The following ASTE1 variants were observed in gnomAD, a reference collection of about 807,000 sequenced individuals.
ASTE1 encodes the protein asteroid structure-specific endonuclease 1.
Under a neutral mutation model 45.8 loss-of-function variants are expected in ASTE1, and 49 were observed. That is an observed-to-expected ratio of 1.07 (90% CI 0.85 to 1.36). The LOEUF (loss-of-function observed/expected upper bound fraction) is 1.36, where lower values mean the gene tolerates loss of function less well. ASTE1 is among the 40% of genes most tolerant of loss of function. ASTE1 has a pLI of 0.00. For synonymous variants in ASTE1, 296 were observed against 303.9 expected (o/e 0.97, Z 0.27); for missense variants, 709 against 804.0 (o/e 0.88, Z 1.43).
rs112198892 is a variant in ASTE1, at chr3:131,016,268, G to A, written c.1585C>T (p.Arg529Trp). 43 of 1,613,932 alleles carry A rather than the reference G, an allele frequency of 2.7e-5. No individual in the cohort carries two copies. Among genetic ancestry groups the A allele is most frequent in the Middle Eastern group, 3.3e-4 (2 of 6,084 alleles). Residue 529 changes from arginine to tryptophan, a missense_variant, in exon 5 of 6, where the codon CGG becomes TGG. Arg to Trp is a moderately radical substitution (Grantham distance 101). Coordinates refer to ENST00000264992, the MANE Select transcript of ASTE1 (RefSeq NM_014065.4). ...AEFQRVKAQT[R>W]LGTRLDLDTA... ...TCTAAGTCCAGTCTTGTGCCCAGCCGTGTCTGCGCCTTCACTCTTTGGAAC... is the reference window on the plus strand; with the variant it reads ...TCTAAGTCCAGTCTTGTGCCCAGCCATGTCTGCGCCTTCACTCTTTGGAAC...
chr3:131,024,610 C>T lies in ASTE1; in HGVS notation c.697G>A (p.Glu233Lys), dbSNP rs1284862580. 6.2e-7 allele frequency: 1 copy of T among 1,609,140 alleles called. No homozygotes were observed. Among genetic ancestry groups the T allele is most frequent in the Non-Finnish European group, 8.5e-7 (1 of 1,177,410 alleles). ...GNDHVNLPIM[E>K]TFLSKARLPL... ...AGACGCGCTTTACTTAAGAATGTCTCCATGATGGGTAGATTAACATGGTCA... is the reference window on the plus strand; with the variant it reads ...AGACGCGCTTTACTTAAGAATGTCTTCATGATGGGTAGATTAACATGGTCA... The change falls in exon 3 of 6, where the codon GAG becomes AAG. Residue 233 changes from glutamate (E) to lysine (K), a missense_variant. Transcript: ENST00000264992.
intron 1 of ASTE1, among the ~76,000 whole-genome samples, chr3:131,025,936 A>G (rs1260094418): frequency 6.6e-6 from 1 of 151,916 alleles, no homozygotes; most frequent in Non-Finnish European, 1.5e-5. Flanking sequence ...GCCTCTAGGA[A>G]CCCCTCTATC....
chr3:131,016,095 T>C, intron 5 of ASTE1, 49 bp downstream of exon 5: 1 of 1,594,302 alleles, frequency 6.3e-7, no homozygotes, highest in Non-Finnish European at 8.6e-7. Flanking sequence ...AAATACTGTA[T>C]TTACTTTTGT....
Position 131,014,089 on chromosome 3 carries a change from C to T in ASTE1, c.2008G>A (p.Glu670Lys). 1 of 1,601,712 alleles carries T rather than the reference C, an allele frequency of 6.2e-7. No homozygotes were observed. Among genetic ancestry groups the T allele is most frequent in the South Asian group, 1.1e-5 (1 of 87,820 alleles). ...RFGLLMVENL[E>K]EHSEASNIE ...ATGTTGGAGGCCTCACTATGTTCCTCTAAGTTTTCAACCATTAACAACCCA... is the reference window on the plus strand; with the variant it reads ...ATGTTGGAGGCCTCACTATGTTCCTTTAAGTTTTCAACCATTAACAACCCA... Residue 670 changes from glutamate to lysine, a missense_variant, in exon 6 of 6, where the codon GAG becomes AAG. Transcript: ENST00000264992.
Position 131,018,713 on chromosome 3 carries a change from A to G in ASTE1, c.1306T>C (p.Ser436Pro), listed in dbSNP as rs2063703218. 1 of 1,613,704 alleles carries G rather than the reference A, an allele frequency of 6.2e-7. No homozygotes were observed. The highest frequency in any genetic ancestry group is 1.1e-5 in the South Asian group (1 of 91,042). ...AGAAGCATCTGCCGCCTCCTCAAGG[A>G]GAGCTGAAAATACACACCAAGTATC... ...HSDLSRLTEL[S>P]LRRRQMLLLE... Residue 436 changes from serine to proline, a missense_variant, in exon 4 of 6, where the codon TCC becomes CCC. By Grantham distance (74) the Ser-to-Pro change is moderately conservative. Coordinates refer to ENST00000264992, the MANE Select transcript of ASTE1 (RefSeq NM_014065.4).
Position 131,024,340 on chromosome 3 carries a change from G to A in ASTE1, c.967C>T (p.Leu323Phe). 2 of 1,614,248 alleles carry A rather than the reference G, an allele frequency of 1.2e-6. No individual in the cohort carries two copies. The highest frequency in any genetic ancestry group is 1.1e-5 in the South Asian group (1 of 91,088). The change falls in exon 3 of 6, where the codon CTT becomes TTT. Residue 323 changes from leucine (L) to phenylalanine (F), a missense_variant. Physicochemically the swap from Leu to Phe is conservative, Grantham distance 22. Transcript: ENST00000264992. ...ACTAATACCCATTCTGGTAAACCAA[G>A]ATTCAAGGCATCTGGACAGACATAA... ...GTYVCPDALN[L>F]GLPEWVLVAL... is the part of the protein sequence containing the mutation.
chr3:131,016,440 T>A, intron 4 of ASTE1, 101 bp from the exon 5 acceptor site: 1 of 1,344,468 alleles, frequency 7.4e-7, no homozygotes, highest in Middle Eastern at 2.5e-4. Context: ...AAGAAATTAA[T>A]TTAAAAAAAC....
chr3:131,024,200 A>C lies in ASTE1; in HGVS notation c.1107T>G (p.Ser369=). 6.2e-7 allele frequency: 1 copy of C among 1,614,164 alleles called. No individual in the cohort carries two copies. Among genetic ancestry groups the C allele is most frequent in the Non-Finnish European group, 8.5e-7 (1 of 1,180,002 alleles). Residue 369 remains serine (S), a synonymous_variant, in exon 3 of 6, where the codon TCT becomes TCG. Coordinates refer to ENST00000264992, the MANE Select transcript of ASTE1 (RefSeq NM_014065.4). ...NMQQPNAHRI[S]QPIRQIIYGL... Reference sequence around the variant, plus strand: ...CATAGATGATTTGCCTGATGGGCTGAGATATTCTGTGGGCATTTGGTTGCT... The same window carrying C: ...CATAGATGATTTGCCTGATGGGCTGCGATATTCTGTGGGCATTTGGTTGCT...
At chr3:131,019,614 A>G (rs2063715387) in intron 3 of ASTE1, among the ~76,000 whole-genome samples, 1 of 152,224 alleles carries the variant, frequency 6.6e-6, no homozygotes, top group Non-Finnish European at 1.5e-5. Context: ...GGACTTTATA[A>G]TCAAACTTTA....
At chr3:131,022,221 A>C (rs77358089) in intron 3 of ASTE1, among the ~76,000 whole-genome samples, 2,105 of 152,328 alleles carry the variant, frequency 0.014, 44 homozygotes, top group African/African-American at 0.048. Context: ...TTATTATAAG[A>C]AAGACTGGAT....
chr3:131,024,454 G>A lies in ASTE1; in HGVS notation c.853C>T (p.Arg285Ter), dbSNP rs773437504. The change falls in exon 3 of 6, where the codon CGA becomes TGA. Residue 285 changes from arginine to a stop codon, truncating the protein, a stop_gained. Transcript: ENST00000264992. LOFTEE classifies it high-confidence loss of function. Reference protein sequence around the residue: ...NVLKYLPKKDRENVKELLCCS... With the variant: ...NVLKYLPKKD Reference sequence around the variant, plus strand: ...CAGAGAAGTTCCTTAACATTTTCTCGATCCTTTTTTGGGAGGTATTTCAGA... The same window carrying A: ...CAGAGAAGTTCCTTAACATTTTCTCAATCCTTTTTTGGGAGGTATTTCAGA... 1.9e-6 allele frequency: 3 copies of A among 1,614,100 alleles called. No individual in the cohort carries two copies. Among genetic ancestry groups the A allele is most frequent in the East Asian group, 2.2e-5 (1 of 44,886 alleles).
chr3:131,025,748 A>AT (rs34169551), intron 1 of ASTE1, among the ~76,000 whole-genome samples, 154 bp from the exon 2 acceptor site: 27,990 of 152,142 alleles, frequency 0.18, 2,697 homozygotes, highest in Middle Eastern at 0.22. Flanking sequence ...AAAAGATATC[A>AT]TATTCATCTC....
intron 4 of ASTE1, 26 bp downstream of exon 4, chr3:131,018,480 T>C (rs2063697206): frequency 3.7e-6 from 6 of 1,601,084 alleles, no homozygotes; most frequent in Non-Finnish European, 4.3e-6. Context: ...TGCCACAATA[T>C]ACTCCTGTAA....
Position 131,014,293 on chromosome 3 carries a change from G to A in ASTE1, c.1804C>T (p.Gln602Ter), listed in dbSNP as rs1245520559. ...GCATTGAATAGATATTCATAAAGTT[G>A]CTTAGCCTCAGGACATATGCTCAGG... is the stretch of plus-strand genomic sequence containing the variant. Reference protein sequence around the residue: ...SLLSICPEAKQLYEYLFNATR... With the variant: ...SLLSICPEAK Residue 602 changes from glutamine to a stop codon, truncating the protein, a stop_gained, in exon 6 of 6, where the codon CAA becomes TAA. Transcript: ENST00000264992. LOFTEE classifies it low-confidence loss of function (END_TRUNC). 3 of 1,613,788 alleles carry A rather than the reference G, an allele frequency of 1.9e-6. No homozygotes were observed. Among genetic ancestry groups the A allele is most frequent in the African/African-American group, 2.7e-5 (2 of 74,816 alleles).
At position 131,018,718 on chromosome 3, in the gene ASTE1, T is replaced by G. The variant is rs1296318799; in HGVS notation, c.1303-2A>C. On this transcript the variant is annotated splice_acceptor_variant, in intron 3 of 5. Transcript: ENST00000264992. LOFTEE classifies it high-confidence loss of function. ...CATCTGCCGCCTCCTCAAGGAGAGC[T>G]GAAAATACACACCAAGTATCCTGCA... 6.2e-7 allele frequency: 1 copy of G among 1,613,652 alleles called. No individual in the cohort carries two copies. Among genetic ancestry groups the G allele is most frequent in the Admixed American group, 1.7e-5 (1 of 60,012 alleles).
Position 131,014,382 on chromosome 3 carries a change from T to C in ASTE1, c.1715A>G (p.Tyr572Cys). The C allele has an allele frequency of 1.3e-6, 2 of 1,583,950 alleles. No homozygotes were observed. The highest frequency in any genetic ancestry group is 1.7e-6 in the Non-Finnish European group (2 of 1,168,840). The part of the protein sequence containing the change: ...PLPEPDLTRL[Y>C]SGSLVHGLCQ... ...TAGTCCGTGCACCAGGCTTCCACTG[T>C]ACAGTCTGTTCAAAGCAAGAAAAAA... Residue 572 changes from tyrosine to cysteine, a missense_variant, in exon 6 of 6, where the codon TAC becomes TGC. Coordinates refer to ENST00000264992, the MANE Select transcript of ASTE1 (RefSeq NM_014065.4).
chr3:131,016,458 T>C (rs1027588048), intron 4 of ASTE1, 119 bp from the exon 5 acceptor site: 1 of 1,160,102 alleles, frequency 8.6e-7, no homozygotes, highest in Non-Finnish European at 1.2e-6. Context: ...AACTAAGATG[T>C]TTTTCTCTTC....
In ASTE1 at chr3:131,024,503, G is replaced by A. The variant is rs781017198; in HGVS notation, c.804C>T (p.Asn268=). 3 of 1,614,002 alleles carry A rather than the reference G, an allele frequency of 1.9e-6. No individual in the cohort carries two copies. Among genetic ancestry groups the A allele is most frequent in the South Asian group, 2.2e-5 (2 of 91,090 alleles). ...GLLNWLSHFA[N]PTEALDNVLK... is the part of the protein sequence containing the mutation. ...GAACATTATCTAGTGCTTCGGTAGG[G>A]TTGGCAAAATGAGACAACCAATTCA... The change falls in exon 3 of 6, where the codon AAC becomes AAT. Residue 268 remains asparagine (N), a synonymous_variant. Coordinates refer to ENST00000264992, the MANE Select transcript of ASTE1 (RefSeq NM_014065.4).
chr3:131,018,766 T>C (rs950615193), intron 3 of ASTE1, 50 bp from the exon 4 acceptor site: 1 of 1,570,936 alleles, frequency 6.4e-7, no homozygotes. Context: ...AAATGTCTGT[T>C]ATTTCTTTTT....
Sources: allele counts gnomAD v4.1 joint callset (sites outside exome capture counted in the v4.1 genomes callset), GRCh38; gene constraint gnomAD v4.1.1; transcripts MANE v1.5; gene names NCBI Gene and HGNC (gene_info 2026-07-23, HGNC 2026-07-21).